ERN1: variants seen among roughly 807,000 people sequenced by gnomAD.
ERN1 encodes the protein serine/threonine-protein kinase/endoribonuclease IRE1.
A neutral mutation model predicts 113.1 loss-of-function variants in ERN1; 39 were observed. The ratio of observed to expected loss-of-function variants is 0.34; its 90% CI spans 0.27 to 0.45. The LOEUF (loss-of-function observed/expected upper bound fraction) is 0.45, where lower values mean the gene tolerates loss of function less well. Among genes scored for constraint, ERN1 ranks in the 20% least tolerant of loss-of-function variants. The pLI is 1.00. For missense variants in ERN1, 976 were observed against 1,274.8 expected, an observed-to-expected ratio of 0.77 and a Z score of 3.57; for synonymous variants, 507 against 515.9, an observed-to-expected ratio of 0.98 and a Z score of 0.23.
chr17:64,116,521 G>A (rs961744456), intron 1 of ERN1, among the ~76,000 whole-genome samples: 6 of 152,098 alleles, frequency 3.9e-5, no homozygotes, highest in Admixed American at 1.3e-4. Context: ...TAATGAGGTA[G>A]TACCTTTAAA....
chr17:64,051,150 C>T (rs1283487026), intron 17 of ERN1, among the ~76,000 whole-genome samples: 2 of 97,654 alleles, frequency 2.0e-5, no homozygotes, highest in African/African-American at 5.3e-5. Flanking sequence ...GAGCCCATAG[C>T]GATTAAGAAA....
Position 64,049,797 on chromosome 17 carries a change from G to T in ERN1, c.2254-595C>A, listed in dbSNP as rs1467197466. Among the ~76,000 whole-genome samples the T allele has an allele frequency of 6.6e-6, 1 of 152,200 alleles. No homozygotes were observed. Among genetic ancestry groups the T allele is most frequent in the Non-Finnish European group, 1.5e-5 (1 of 68,042 alleles). On this transcript the variant is annotated intron_variant, in intron 17 of 21. Transcript: ENST00000433197. This position sits in a 1 kb window ranked among gnomAD's most constrained non-coding sequence, Gnocchi z 4.7. ...CTCACTTATCCCATGAAACCATTCTGTGTCTACAGAATAGCTTCCTTCGAG... is the reference window on the plus strand; with the variant it reads ...CTCACTTATCCCATGAAACCATTCTTTGTCTACAGAATAGCTTCCTTCGAG...
Position 64,098,157 on chromosome 17 carries a change from T to C in ERN1, c.139A>G (p.Lys47Glu). 2 of 1,614,026 alleles carry C rather than the reference T, an allele frequency of 1.2e-6. No individual in the cohort carries two copies. The highest frequency in any genetic ancestry group is 1.7e-6 in the Non-Finnish European group (2 of 1,179,878). The change falls in exon 2 of 22, where the codon AAG becomes GAG. Residue 47 changes from lysine to glutamate, a missense_variant. By Grantham distance (56) the Lys-to-Glu change is moderately conservative (BLOSUM62 1). Around this residue, in one of 5 missense-constraint regions of ERN1, gnomAD observed 459 missense variants for 581.2 expected, o/e 0.79. Transcript: ENST00000433197. ...GTCCATTTGATTGAGCCTGTCCTCT[T>C]GCTGACAGCATGCAAACTTCCATCC... ...TLDGSLHAVS[K>E]RTGSIKWTLK...
intron 1 of ERN1, among the ~76,000 whole-genome samples, chr17:64,100,713 G>A (rs1002478277): frequency 2.0e-5 from 3 of 152,090 alleles, no homozygotes; most frequent in African/African-American, 7.2e-5. Flanking sequence ...AGAGTTTGCA[G>A]GGAGGTTACA....
intron 1 of ERN1, among the ~76,000 whole-genome samples, chr17:64,110,427 T>C (rs1238911824): frequency 1.3e-5 from 2 of 152,016 alleles, no homozygotes; most frequent in Admixed American, 6.5e-5. Flanking sequence ...ATAGTCACCA[T>C]GTTATATAAT....
rs1315645512 is a variant in ERN1, at chr17:64,040,284, TG to T, written c.*3703del. ...GCACAGAAGGCTGCAAAAGTGGAAC[TG>T]GCCCCCAGTTCCCAGAGGATCACAA... On this transcript the variant is annotated 3_prime_UTR_variant, in exon 22 of 22. Coordinates refer to ENST00000433197, the MANE Select transcript of ERN1 (RefSeq NM_001433.5). 2 of 152,116 alleles carry T rather than the reference TG, an allele frequency of 1.3e-5. No homozygotes were observed. The highest frequency in any genetic ancestry group is 3.9e-4 in the East Asian group (2 of 5,160). 9.4% of individuals were successfully genotyped at this position (152,116 alleles called of 1,614,324 possible). A position where few individuals can be genotyped will look rare whatever the true frequency, so the allele number is the denominator to read the frequency against.
chr17:64,103,236 C>T (rs1914433668), intron 1 of ERN1, among the ~76,000 whole-genome samples: 1 of 152,188 alleles, frequency 6.6e-6, no homozygotes. Flanking sequence ...TGACTCACAC[C>T]TGTAATCCCA....
intron 1 of ERN1, among the ~76,000 whole-genome samples, chr17:64,099,487 C>T (rs191410074): frequency 1.6e-3 from 240 of 151,920 alleles, no homozygotes; most frequent in Non-Finnish European, 2.7e-3. Flanking sequence ...CTTCTTTTGT[C>T]ACATACTATC....
rs762526855 is a variant in ERN1 at position 64,064,113 on chromosome 17, C to T, written c.960G>A (p.Gln320=). The change falls in exon 10 of 22, where the codon CAG becomes CAA. Residue 320 remains glutamine, a synonymous_variant. Coordinates refer to ENST00000433197, the MANE Select transcript of ERN1 (RefSeq NM_001433.5). ...TGTCCCCAATGGTGACGCCATCAGT[C>T]TGGGGCCCTTCCAGCAAAGGAAGTG... ...GSTLPLLEGP[Q]TDGVTIGDKG... 1.2e-6 allele frequency: 2 copies of T among 1,609,446 alleles called. No individual in the cohort carries two copies. Among genetic ancestry groups the T allele is most frequent in the South Asian group, 2.2e-5 (2 of 90,332 alleles).
chr17:64,068,065 C>A, intron 7 of ERN1, 125 bp downstream of exon 7: 1 of 675,080 alleles, frequency 1.5e-6, no homozygotes, highest in Non-Finnish European at 2.6e-6. Context: ...ATGAAAAGTC[C>A]ATGGAAAGAA....
rs8066070 is a variant in ERN1 at position 64,100,568 on chromosome 17, C to T, written c.55-2327G>A. ...GGCGGATCACTTGAGGTCAGGAGTT[C>T]GAGACCAGCCTGGCCAACATGGTGA... On this transcript the variant is annotated intron_variant, in intron 1 of 21. Coordinates refer to ENST00000433197, the MANE Select transcript of ERN1 (RefSeq NM_001433.5). Among the ~76,000 whole-genome samples the T allele has an allele frequency of 2.8e-3, 421 of 152,130 alleles. 3 individuals carry two copies. The highest frequency in any genetic ancestry group is 9.6e-3 in the African/African-American group (400 of 41,492).
intron 19 of ERN1, among the ~76,000 whole-genome samples, chr17:64,046,874 T>C (rs968071948): frequency 2.0e-5 from 3 of 152,222 alleles, no homozygotes; most frequent in African/African-American, 7.2e-5. Context: ...TTATGTTCAA[T>C]TCATACATGG....
intron 2 of ERN1, among the ~76,000 whole-genome samples, chr17:64,088,028 T>C (rs9892403): frequency 0.019 from 2,827 of 152,330 alleles, 85 homozygotes; most frequent in African/African-American, 0.064. Context: ...GACTTCGAGA[T>C]TGACGGCCTC....
chr17:64,053,511 A>C, intron 15 of ERN1, 140 bp from the exon 16 acceptor site: 2 of 493,732 alleles, frequency 4.1e-6, no homozygotes, highest in Non-Finnish European at 6.6e-6. Flanking sequence ...TTTTCCAGCA[A>C]GGAGCAAACC....
At chr17:64,068,399 C>A in intron 6 of ERN1, 108 bp from the exon 7 acceptor site, 5 of 759,898 alleles carry the variant, frequency 6.6e-6, no homozygotes, top group Non-Finnish European at 9.0e-6. Context: ...AACTGTAGGC[C>A]AAAAAGTCCA....
At chr17:64,098,673 G>T (rs1914300122) in intron 1 of ERN1, 1 of 450,808 alleles carries the variant, frequency 2.2e-6, no homozygotes, top group African/African-American at 2.0e-5. Context: ...AAGAATTAGG[G>T]GAAAATGCTT....
chr17:64,109,438 C>T (rs553391561), intron 1 of ERN1, among the ~76,000 whole-genome samples: 11 of 152,182 alleles, frequency 7.2e-5, no homozygotes, highest in Non-Finnish European at 1.2e-4. Flanking sequence ...AAATACACCC[C>T]GAGTTGAGAT....
chr17:64,078,742 C>G (rs979952551), intron 4 of ERN1, among the ~76,000 whole-genome samples: 1 of 152,150 alleles, frequency 6.6e-6, no homozygotes, highest in Non-Finnish European at 1.5e-5. Flanking sequence ...TGGTGGCTCA[C>G]GTCTGTAATC....
intron 1 of ERN1, among the ~76,000 whole-genome samples, chr17:64,107,744 T>C (rs73992931): frequency 6.6e-6 from 1 of 152,104 alleles, no homozygotes; most frequent in Non-Finnish European, 1.5e-5. Context: ...GAGTAACAAA[T>C]ATTTCACTAC....
Sources: allele counts gnomAD v4.1 joint callset (sites outside exome capture counted in the v4.1 genomes callset), GRCh38; gene constraint gnomAD v4.1.1; regional missense constraint gnomAD v4.1.1; non-coding constraint Gnocchi (gnomAD v3.1); transcripts MANE v1.5; gene names NCBI Gene and HGNC (gene_info 2026-07-23, HGNC 2026-07-21).